FNBP1L: variants seen among roughly 807,000 people sequenced by gnomAD.
The protein encoded by FNBP1L is formin binding protein 1 like.
In FNBP1L, 36 loss-of-function variants were observed where a neutral mutation model predicts 91.2. That is an observed-to-expected ratio of 0.39 (90% CI 0.30 to 0.52). The LOEUF (loss-of-function observed/expected upper bound fraction) is 0.52, where lower values mean the gene tolerates loss of function less well. FNBP1L is among the 20% of genes least tolerant of loss of function. The pLI, the probability that FNBP1L is intolerant of heterozygous loss-of-function variation, is 0.66. For synonymous variants in FNBP1L, 242 were observed against 237.0 expected (o/e 1.02, Z -0.19); for missense variants, 571 against 732.1 (o/e 0.78, Z 2.54).
chr1:93,448,375 G>A, intron 1 of FNBP1L, 70 bp downstream of exon 1: 2 of 1,442,200 alleles, frequency 1.4e-6, no homozygotes, highest in Non-Finnish European at 9.1e-7. Flanking sequence ...CGGGCGCCGC[G>A]GACCCTCGGC....
chr1:93,549,135 A>G, intron 14 of FNBP1L, 143 bp from the exon 15 acceptor site: 1 of 572,522 alleles, frequency 1.7e-6, no homozygotes, highest in South Asian at 4.5e-5. Context: ...TATACTTGAC[A>G]TTTGAAAAAA....
chr1:93,477,392 TA>T (rs1356934380), intron 1 of FNBP1L, among the ~76,000 whole-genome samples: 1 of 152,232 alleles, frequency 6.6e-6, no homozygotes, highest in Non-Finnish European at 1.5e-5. Context: ...TCTGTTGGAA[TA>T]AAAACGAGGT....
intron 1 of FNBP1L, among the ~76,000 whole-genome samples, chr1:93,453,036 G>A (rs1668546857): frequency 6.6e-6 from 1 of 152,094 alleles, no homozygotes; most frequent in Non-Finnish European, 1.5e-5. Context: ...AATGCCCTCT[G>A]TTGACCAATT....
chr1:93,455,544 T>C (rs1668634914), intron 1 of FNBP1L, among the ~76,000 whole-genome samples: 1 of 152,230 alleles, frequency 6.6e-6, no homozygotes, highest in Non-Finnish European at 1.5e-5. Context: ...ATACCAATGC[T>C]GGTGGACAAC....
rs958667092 is a variant in FNBP1L at position 93,530,674 on chromosome 1, A to G, written c.511-81A>G. ...AGGTGTTGGCTTCTTCATTGATAAA[A>G]TCTAGTTTTAGTATAATTTTCAAAA... On this transcript the variant is annotated intron_variant, in intron 6 of 16. Coordinates refer to ENST00000271234, the MANE Select transcript of FNBP1L (RefSeq NM_001164473.3). 3.4e-6 allele frequency: 5 copies of G among 1,472,220 alleles called. No individual in the cohort carries two copies. In the African/African-American group the frequency reaches 5.7e-5, roughly 17 times the overall value. 91.2% of individuals were successfully genotyped at this position (1,472,220 alleles called of 1,614,324 possible). A position where few individuals can be genotyped will look rare whatever the true frequency, so the allele number is the denominator to read the frequency against.
intron 1 of FNBP1L, among the ~76,000 whole-genome samples, chr1:93,476,479 G>A (rs1048879606): frequency 1.3e-5 from 2 of 152,156 alleles, no homozygotes; most frequent in African/African-American, 2.4e-5. Context: ...TTAACCTAAG[G>A]ATAGGGATAT....
At chr1:93,515,909 TATA>T (rs202032734) in intron 2 of FNBP1L, among the ~76,000 whole-genome samples, 24 of 151,812 alleles carry the variant, frequency 1.6e-4, no homozygotes, top group African/African-American at 5.1e-4. Flanking sequence ...AAACTTAAGG[TATA>T]ATAATAATAA....
At chr1:93,497,842 A>G (rs924912134) in intron 1 of FNBP1L, among the ~76,000 whole-genome samples, 1 of 151,782 alleles carries the variant, frequency 6.6e-6, no homozygotes, top group Non-Finnish European at 1.5e-5. Context: ...CTGGTCTCGA[A>G]CTCCTGACTT....
chr1:93,476,417 T>C (rs1479606032), intron 1 of FNBP1L, among the ~76,000 whole-genome samples: 1 of 152,188 alleles, frequency 6.6e-6, no homozygotes, highest in African/African-American at 2.4e-5. Flanking sequence ...ACACAGTGCT[T>C]GGCACTGGTG....
Position 93,448,167 on chromosome 1 carries a change from C to G in FNBP1L, c.-115C>G, listed in dbSNP as rs987225286. The G allele has an allele frequency of 1.7e-5, 23 of 1,357,120 alleles. No individual in the cohort carries two copies. In the African/African-American group the frequency reaches 2.5e-4, roughly 14 times the overall value. The allele number at this position is 1,357,120 out of a possible 1,614,324, so 84.1% of individuals were successfully genotyped here. A position where few individuals can be genotyped will look rare whatever the true frequency, so the allele number is the denominator to read the frequency against. On this transcript the variant is annotated 5_prime_UTR_variant, in exon 1 of 17. Coordinates refer to ENST00000271234, the MANE Select transcript of FNBP1L (RefSeq NM_001164473.3). ...GGAGCCCGGCGGTGGCGGCACCTTT[C>G]GAGGTAGACCCGCTGAGCTGCTAGC...
At chr1:93,493,588 T>G (rs1029532171) in intron 1 of FNBP1L, among the ~76,000 whole-genome samples, 1 of 152,190 alleles carries the variant, frequency 6.6e-6, no homozygotes, top group Non-Finnish European at 1.5e-5. Flanking sequence ...TTGACTATTG[T>G]AAGTACCTCG....
chr1:93,453,158 T>C (rs1332563736), intron 1 of FNBP1L, among the ~76,000 whole-genome samples: 1 of 152,234 alleles, frequency 6.6e-6, no homozygotes, highest in African/African-American at 2.4e-5. Flanking sequence ...CTTAGGGAAA[T>C]TGTCATGGTA....
intron 1 of FNBP1L, among the ~76,000 whole-genome samples, chr1:93,490,722 C>T (rs1330656099): frequency 1.3e-5 from 2 of 152,110 alleles, no homozygotes; most frequent in African/African-American, 4.8e-5. Flanking sequence ...ACTTAATATT[C>T]TTCTTTATTT....
chr1:93,547,444 G>T lies in FNBP1L; in HGVS notation c.1502+3G>T, dbSNP rs1475873044. 2 of 1,549,022 alleles carry T rather than the reference G, an allele frequency of 1.3e-6. No homozygotes were observed. The highest frequency in any genetic ancestry group is 2.4e-5 in the East Asian group (1 of 41,012). The stretch of plus-strand genomic sequence containing the variant: ...CTTGTAACACAGGGACGAGAAAGGT[G>T]ATTTTTTGTATTTTATTTGTATTTC... On this transcript the variant is annotated splice_donor_region_variant and intron_variant, in intron 14 of 16. Transcript: ENST00000271234.
At chr1:93,552,190 G>A in intron 16 of FNBP1L, 1 of 1,337,222 alleles carries the variant, frequency 7.5e-7, no homozygotes, top group Non-Finnish European at 9.6e-7. Flanking sequence ...TGCTGGTTGT[G>A]TGACCACACC....
At chr1:93,517,875 CACTT>C (rs1436310566) in intron 2 of FNBP1L, among the ~76,000 whole-genome samples, 3 of 152,204 alleles carry the variant, frequency 2.0e-5, no homozygotes, top group Admixed American at 2.0e-4. Flanking sequence ...TTGGCTTTGT[CACTT>C]ACTGGCTGTT....
chr1:93,514,756 C>G (rs1671013151), intron 2 of FNBP1L, among the ~76,000 whole-genome samples: 1 of 151,540 alleles, frequency 6.6e-6, no homozygotes, highest in African/African-American at 2.4e-5. Flanking sequence ...ACACCTTATA[C>G]AAAAATCAAT....
At chr1:93,543,991 AGG>A in intron 11 of FNBP1L, 114 bp from the exon 12 acceptor site, 5 of 639,182 alleles carry the variant, frequency 7.8e-6, no homozygotes, top group South Asian at 6.7e-5. Flanking sequence ...GGGTTGCTTG[AGG>A]CAAATTTGAA....
chr1:93,527,531 T>C (rs1459936647), intron 5 of FNBP1L, among the ~76,000 whole-genome samples: 2 of 152,144 alleles, frequency 1.3e-5, no homozygotes, highest in East Asian at 3.8e-4. Context: ...AGAGCACAGG[T>C]TGCAAGGTGC....
Sources: gnomAD v4.1 joint callset for allele counts (sites outside exome capture counted in the v4.1 genomes callset) on GRCh38, gnomAD v4.1.1 for gene constraint, MANE v1.5 for transcripts, NCBI Gene and HGNC (gene_info 2026-07-23, HGNC 2026-07-21) for gene names.